POC1B: variants seen among roughly 807,000 people sequenced by gnomAD.
The protein encoded by POC1B is POC1 centriolar protein B.
Under a neutral mutation model 60.6 loss-of-function variants are expected in POC1B, and 44 were observed. The observed-to-expected ratio is 0.73, with a 90% CI of 0.57 to 0.93. The LOEUF (loss-of-function observed/expected upper bound fraction) is 0.93, where lower values mean the gene tolerates loss of function less well. POC1B is among the 40% of genes least tolerant of loss of function. The pLI is 0.00. For missense variants in POC1B, 555 were observed against 572.3 expected, an observed-to-expected ratio of 0.97 and a Z score of 0.31; for synonymous variants, 180 against 198.9, an observed-to-expected ratio of 0.90 and a Z score of 0.80.
intron 4 of POC1B, among the ~76,000 whole-genome samples, chr12:89,484,912 A>T (rs1309737383): frequency 6.6e-6 from 1 of 152,170 alleles, no homozygotes; most frequent in African/African-American, 2.4e-5. Context: ...CACTATCCTA[A>T]CCTGAGAAAA....
intron 2 of POC1B, among the ~76,000 whole-genome samples, chr12:89,514,444 T>C (rs1870351472): frequency 7.0e-6 from 1 of 142,348 alleles, no homozygotes; most frequent in Admixed American, 7.1e-5. Flanking sequence ...AGTCTTACTC[T>C]GTCGTCCAGG....
intron 10 of POC1B, among the ~76,000 whole-genome samples, chr12:89,456,166 G>A (rs1592599015): frequency 1.3e-5 from 2 of 151,916 alleles, no homozygotes; most frequent in Non-Finnish European, 2.9e-5. Context: ...AATTATAAGC[G>A]CACACCACCA....
At chr12:89,503,548 A>G (rs1269221114) in intron 2 of POC1B, among the ~76,000 whole-genome samples, 11 of 151,604 alleles carry the variant, frequency 7.3e-5, no homozygotes, top group African/African-American at 2.7e-4. Context: ...CCGTCTGGGA[A>G]GTGAGGAGCG....
rs566231243 is a variant in POC1B at position 89,451,196 on chromosome 12, C to T, written c.1113+8442G>A. On this transcript the variant is annotated intron_variant, in intron 10 of 11. Transcript: ENST00000313546. ...CTCCCCTTCAACTTAAAACAAACAA[C>T]TCTATGTGCTTCAGAAAAATAATCC... Among the ~76,000 whole-genome samples, 24 of 152,242 alleles carry T rather than the reference C, an allele frequency of 1.6e-4. 1 individual carries two copies. The South Asian group carries it at 2.3e-3, about 14-fold the overall frequency.
At chr12:89,501,411 G>A (rs895843235) in intron 2 of POC1B, 2 of 1,001,792 alleles carry the variant, frequency 2.0e-6, no homozygotes, top group African/African-American at 1.6e-5. Context: ...AGCTCGATGT[G>A]GGACAGACTA....
intron 2 of POC1B, chr12:89,520,751 A>G (rs1433524024): frequency 3.9e-5 from 6 of 152,218 alleles, no homozygotes; most frequent in African/African-American, 1.4e-4. Flanking sequence ...TCAAGTGAAC[A>G]CTAAAAGCAA....
chr12:89,414,036 C>A, the POC1B span, among the ~76,000 whole-genome samples: 1 of 152,056 alleles, frequency 6.6e-6, no homozygotes, highest in African/African-American at 2.4e-5. Flanking sequence ...GGATTACAGG[C>A]GCCCATCATC....
chr12:89,442,818 A>G (rs1388932217), intron 10 of POC1B, among the ~76,000 whole-genome samples: 1 of 152,244 alleles, frequency 6.6e-6, no homozygotes, highest in Non-Finnish European at 1.5e-5. Flanking sequence ...CAAATTGGAT[A>G]AAGAGTCAAG....
chr12:89,518,922 G>C (rs896216652), intron 2 of POC1B, among the ~76,000 whole-genome samples: 16 of 152,168 alleles, frequency 1.1e-4, no homozygotes, highest in African/African-American at 3.9e-4. Flanking sequence ...TTTTGTTAGA[G>C]TCCTTAGAAG....
Position 89,491,984 on chromosome 12 carries a change from C to A in POC1B, c.404G>T (p.Arg135Leu). Residue 135 changes from arginine to leucine, a missense_variant, in exon 4 of 12, where the codon CGC becomes CTC. Coordinates refer to ENST00000313546, the MANE Select transcript of POC1B (RefSeq NM_172240.3). ...ATGTCGATACAAGGAATACAGGAAG[C>A]GCTGGCGATACATGCTCCATACTTT... ...SIKVWSMYRQ[R>L]FLYSLYRHTH... The A allele has an allele frequency of 6.3e-7, 1 of 1,595,704 alleles. No individual in the cohort carries two copies.
At chr12:89,434,843 T>C (rs752091754) in intron 10 of POC1B, among the ~76,000 whole-genome samples, 21 of 152,220 alleles carry the variant, frequency 1.4e-4, no homozygotes, top group Non-Finnish European at 2.6e-4. Context: ...TCTTTCACAC[T>C]GTTCAACAAA....
chr12:89,470,335 A>T (rs1448909145), intron 7 of POC1B, 26 bp downstream of exon 7: 2 of 1,272,546 alleles, frequency 1.6e-6, no homozygotes, highest in Non-Finnish European at 2.0e-6. Context: ...TTTATATATA[A>T]AAAGCAAGAA....
the POC1B span, among the ~76,000 whole-genome samples, chr12:89,404,361 G>A: frequency 2.6e-5 from 4 of 152,108 alleles, no homozygotes; most frequent in African/African-American, 9.7e-5. Flanking sequence ...AGGAAACCCA[G>A]CACAAGTGTT....
chr12:89,491,884 A>C (rs1868996714), intron 4 of POC1B, 52 bp downstream of exon 4: 2 of 1,402,588 alleles, frequency 1.4e-6, no homozygotes, highest in Non-Finnish European at 1.9e-6. Flanking sequence ...GGGGGCAAAC[A>C]TGAAGCAGAA....
At chr12:89,475,840 G>A (rs192186232) in intron 4 of POC1B, among the ~76,000 whole-genome samples, 204 of 150,748 alleles carry the variant, frequency 1.4e-3, no homozygotes, top group Admixed American at 2.6e-3. Context: ...AGAGGCATAT[G>A]AGAAGTTAGC....
At chr12:89,406,947 A>T in the POC1B span, among the ~76,000 whole-genome samples, 1 of 131,156 alleles carries the variant, frequency 7.6e-6, no homozygotes, top group African/African-American at 2.9e-5. Context: ...GGAGTTCAAG[A>T]CCAGCCTGGC....
downstream of POC1B, among the ~76,000 whole-genome samples, chr12:89,415,034 CT>C (rs1880341771): frequency 1.3e-5 from 2 of 152,184 alleles, no homozygotes; most frequent in Admixed American, 1.3e-4. Context: ...ATTCCAAGCC[CT>C]TCCCCCACTT....
At chr12:89,487,948 T>G (rs1424203563) in intron 4 of POC1B, among the ~76,000 whole-genome samples, 3 of 148,620 alleles carry the variant, frequency 2.0e-5, no homozygotes, top group African/African-American at 7.5e-5. Context: ...TTTAGTATCA[T>G]GTTTCCCCAC....
At chr12:89,467,279 G>A (rs1882719391) in intron 8 of POC1B, among the ~76,000 whole-genome samples, 1 of 151,966 alleles carries the variant, frequency 6.6e-6, no homozygotes, top group Non-Finnish European at 1.5e-5. Flanking sequence ...TGCAGATTTG[G>A]TATATAAATG....
Sources: allele counts gnomAD v4.1 joint callset (sites outside exome capture counted in the v4.1 genomes callset), GRCh38; gene constraint gnomAD v4.1.1; transcripts MANE v1.5; gene names NCBI Gene and HGNC (gene_info 2026-07-23, HGNC 2026-07-21).